The following ARCN1 variants were observed in gnomAD, a reference collection of about 807,000 sequenced individuals.
ARCN1 encodes coatomer subunit delta.
ARCN1 carries 5 observed loss-of-function variants against 60.4 expected under a neutral mutation model. That is an observed-to-expected ratio of 0.08 (90% CI 0.04 to 0.17). ARCN1 has a LOEUF of 0.17. Ranked by LOEUF, ARCN1 falls within the 10% of genes least tolerant of loss-of-function variation. ARCN1 has a pLI of 1.00. For missense variants in ARCN1, 464 were observed against 626.5 expected, an observed-to-expected ratio of 0.74 and a Z score of 2.77; for synonymous variants, 224 against 220.0, an observed-to-expected ratio of 1.02 and a Z score of -0.16.
In ARCN1 at chr11:118,588,689, C is replaced by G. The variant is rs888348054; in HGVS notation, c.819-1652C>G. Among the ~76,000 whole-genome samples, 3 of 152,200 alleles carry G rather than the reference C, an allele frequency of 2.0e-5. No individual in the cohort carries two copies. The South Asian group carries it at 6.2e-4, about 32-fold the overall frequency. On this transcript the variant is annotated intron_variant, in intron 5 of 9. Transcript: ENST00000264028. ...TGTGTCTCTGAATAGCCACTGCACT[C>G]CAGCCTGGGCAACATAGCAAGATCT... is the stretch of plus-strand genomic sequence containing the variant.
At chr11:118,586,002 G>C (rs1938770472) in intron 5 of ARCN1, among the ~76,000 whole-genome samples, 1 of 152,196 alleles carries the variant, frequency 6.6e-6, no homozygotes, top group East Asian at 1.9e-4. Context: ...TACTGTTGCT[G>C]ATGGTTTTGA....
At position 118,573,832 on chromosome 11, in the gene ARCN1, G is replaced by A. The variant is rs1555072957; in HGVS notation, c.3+1282G>A. The A allele has an allele frequency of 8.4e-6, 4 of 478,960 alleles. No homozygotes were observed. The Admixed American group carries it at 1.5e-4, about 18-fold the overall frequency. The allele number at this position is 478,960 out of a possible 1,614,324, so 29.7% of individuals were successfully genotyped here. On this transcript the variant is annotated intron_variant, in intron 1 of 9. Coordinates refer to ENST00000264028, the MANE Select transcript of ARCN1 (RefSeq NM_001655.5). ...TTTGCCTCCTAAAATTTTTGTGTTG[G>A]ACACAAAATTTCCAGAAACTTGTAT...
At position 118,590,366 on chromosome 11, in the gene ARCN1, A is replaced by G. The variant is rs1555076099; in HGVS notation, c.844A>G (p.Ile282Val). 6.2e-7 allele frequency: 1 copy of G among 1,613,834 alleles called. No individual in the cohort carries two copies. The highest frequency in any genetic ancestry group is 2.2e-5 in the East Asian group (1 of 44,878). Residue 282 changes from isoleucine (I) to valine (V), a missense_variant, in exon 6 of 10, where the codon ATA becomes GTA. Coordinates refer to ENST00000264028, the MANE Select transcript of ARCN1 (RefSeq NM_001655.5). ...TGTACATATGAAGATTGAAGAAAAG[A>G]TAACATTAACCTGTGGACGAGACGG... Reference protein sequence around the residue: ...ESVHMKIEEKITLTCGRDGGL... With the variant: ...ESVHMKIEEKVTLTCGRDGGL...
intron 1 of ARCN1, among the ~76,000 whole-genome samples, chr11:118,577,252 C>CTTTCTT (rs1555073800): frequency 6.9e-6 from 1 of 145,522 alleles, no homozygotes; most frequent in African/African-American, 2.5e-5. Context: ...TTCTTTCTTT[C>CTTTCTT]TTTTTTTTTT....
chr11:118,593,766 T>C (rs1938965263), intron 8 of ARCN1, 68 bp downstream of exon 8: 1 of 1,042,104 alleles, frequency 9.6e-7, no homozygotes, highest in African/African-American at 1.6e-5. Flanking sequence ...CATTTTGGAG[T>C]CAGCACCTAC....
chr11:118,577,653 C>T (rs1244845262), intron 1 of ARCN1, among the ~76,000 whole-genome samples: 1 of 152,198 alleles, frequency 6.6e-6, no homozygotes, highest in Non-Finnish European at 1.5e-5. Context: ...TTACTTAACA[C>T]ATTCTGCCTC....
chr11:118,588,324 G>A (rs57438673), intron 5 of ARCN1, among the ~76,000 whole-genome samples: 23,149 of 152,150 alleles, frequency 0.15, 2,340 homozygotes, highest in East Asian at 0.53. Flanking sequence ...TTGGGCTGGT[G>A]AAAGGAGGGC....
rs1555074517 is a variant in ARCN1 at position 118,581,231 on chromosome 11, A to G, written c.4-15A>G. ...AGAAATAATTAGTACTTACTTATGC[A>G]TATGTTCCTGGCAGGTGCTGTTGGC... On this transcript the variant is annotated splice_polypyrimidine_tract_variant and intron_variant, in intron 1 of 9. Coordinates refer to ENST00000264028, the MANE Select transcript of ARCN1 (RefSeq NM_001655.5). 7 of 1,613,512 alleles carry G rather than the reference A, an allele frequency of 4.3e-6. No individual in the cohort carries two copies. Among genetic ancestry groups the G allele is most frequent in the Non-Finnish European group, 5.9e-6 (7 of 1,179,522 alleles).
intron 5 of ARCN1, among the ~76,000 whole-genome samples, chr11:118,586,093 T>TTTCCTTTCTTTC (rs1266593144): frequency 2.0e-5 from 3 of 152,156 alleles, no homozygotes; most frequent in East Asian, 1.9e-4. Context: ...TTCTTTCTTC[T>TTTCCTTTCTTTC]TTCCTTTCTT....
In ARCN1 at chr11:118,602,531, G is replaced by A. The variant is rs1939170838; in HGVS notation, c.*1817G>A. On this transcript the variant is annotated 3_prime_UTR_variant, in exon 10 of 10. Coordinates refer to ENST00000264028, the MANE Select transcript of ARCN1 (RefSeq NM_001655.5). ...CTGCAAAGAGTGTACTGTGCTTGAA[G>A]CAGAGCACTCACACATAAATGGCTG... 1 of 153,756 alleles carries A rather than the reference G, an allele frequency of 6.5e-6. No homozygotes were observed. The allele number at this position is 153,756 out of a possible 1,614,324, so 9.5% of individuals were successfully genotyped here. A position where few individuals can be genotyped will look rare whatever the true frequency, so the allele number is the denominator to read the frequency against.
chr11:118,598,741 C>T (rs1939086109), intron 9 of ARCN1, among the ~76,000 whole-genome samples: 3 of 151,692 alleles, frequency 2.0e-5, no homozygotes, highest in South Asian at 2.1e-4. Context: ...GTGATCTACC[C>T]GCCTCAGCCT....
At chr11:118,581,689 A>C (rs1265193457) in intron 2 of ARCN1, among the ~76,000 whole-genome samples, 180 bp downstream of exon 2, 2 of 152,172 alleles carry the variant, frequency 1.3e-5, no homozygotes, top group African/African-American at 2.4e-5. Context: ...CTCTTAGACT[A>C]TAGATGTCTC....
At chr11:118,584,416 A>G in intron 4 of ARCN1, 64 bp from the exon 5 acceptor site, 1 of 1,468,378 alleles carries the variant, frequency 6.8e-7, no homozygotes, top group Non-Finnish European at 9.1e-7. Flanking sequence ...CAAAATTTTC[A>G]TCAGATCATG....
In ARCN1 at chr11:118,576,440, A is replaced by C. The variant is rs1433379195; in HGVS notation, c.3+3890A>C. The stretch of plus-strand genomic sequence containing the variant: ...TCCAAAAATGTTAAAAAAAAAAAAA[A>C]AAAAAAAAACCAAAAACTTTGTAAT... On this transcript the variant is annotated intron_variant, in intron 1 of 9. Coordinates refer to ENST00000264028, the MANE Select transcript of ARCN1 (RefSeq NM_001655.5). 7.5e-5 allele frequency among the ~76,000 whole-genome samples: 11 copies of C among 147,194 alleles called. No homozygotes were observed. In the East Asian group the frequency reaches 9.4e-4, roughly 13 times the overall value.
intron 8 of ARCN1, among the ~76,000 whole-genome samples, chr11:118,596,459 C>T (rs1555077175): frequency 2.6e-5 from 4 of 152,140 alleles, no homozygotes. Flanking sequence ...ATTTTACTCC[C>T]GTTGTCTAGA....
Position 118,601,615 on chromosome 11 carries a change from A to T in ARCN1, c.*901A>T, listed in dbSNP as rs1264308531. ...TATTCAGGTGAACTATTTGAGGGGT[A>T]TGGGGTCTAGAAGTTAAAAGATACG... is the stretch of plus-strand genomic sequence containing the variant. On this transcript the variant is annotated 3_prime_UTR_variant, in exon 10 of 10. Transcript: ENST00000264028. The T allele has an allele frequency of 1.4e-6, 1 of 702,772 alleles. No individual in the cohort carries two copies. Among genetic ancestry groups the T allele is most frequent in the East Asian group, 2.7e-5 (1 of 37,276 alleles). The allele number at this position is 702,772 out of a possible 1,614,324, so 43.5% of individuals were successfully genotyped here. A position where few individuals can be genotyped will look rare whatever the true frequency, so the allele number is the denominator to read the frequency against.
intron 8 of ARCN1, 83 bp downstream of exon 8, chr11:118,593,781 C>G: frequency 1.3e-6 from 1 of 769,336 alleles, no homozygotes; most frequent in South Asian, 1.8e-5. Context: ...ACCTACCTGA[C>G]CTGACTGTCC....
intron 1 of ARCN1, chr11:118,573,688 A>G (rs1039199048): frequency 6.3e-5 from 44 of 702,726 alleles, no homozygotes; most frequent in Non-Finnish European, 9.9e-5. Context: ...GGCAATCCTA[A>G]TAAGTTCTAT....
rs375402536 is a variant in ARCN1 at position 118,601,268 on chromosome 11, C to G, written c.*554C>G. On this transcript the variant is annotated 3_prime_UTR_variant, in exon 10 of 10. Coordinates refer to ENST00000264028, the MANE Select transcript of ARCN1 (RefSeq NM_001655.5). ...GTAGAGACGGGGTTTCACCGTGTTG[C>G]CCAGGCTGGTCGCGAACTCCTGAGC... 2.9e-3 allele frequency: 1,053 copies of G among 357,364 alleles called. 10 individuals carry two copies. Among genetic ancestry groups the G allele is most frequent in the African/African-American group, 0.02 (923 of 45,722 alleles). 22.1% of individuals were successfully genotyped at this position (357,364 alleles called of 1,614,324 possible). A position where few individuals can be genotyped will look rare whatever the true frequency, so the allele number is the denominator to read the frequency against.
Sources: allele counts gnomAD v4.1 joint callset (sites outside exome capture counted in the v4.1 genomes callset), GRCh38; gene constraint gnomAD v4.1.1; transcripts MANE v1.5; gene names NCBI Gene and HGNC (gene_info 2026-07-23, HGNC 2026-07-21).